RIC1: variants seen among roughly 807,000 people sequenced by gnomAD.
The protein encoded by RIC1 is guanine nucleotide exchange factor subunit RIC1.
A neutral mutation model predicts 169.0 loss-of-function variants in RIC1; 88 were observed. That is an observed-to-expected ratio of 0.52 (90% CI 0.44 to 0.62). The LOEUF (loss-of-function observed/expected upper bound fraction) is 0.62, where lower values mean the gene tolerates loss of function less well. Among genes scored for constraint, RIC1 ranks in the 20% least tolerant of loss-of-function variants. The probability of loss-of-function intolerance (pLI) is 0.00; values close to 1 mark genes in which losing one functional copy is unlikely to be tolerated. For synonymous variants in RIC1, 790 were observed against 601.5 expected (o/e 1.31, Z -4.59); for missense variants, 1,877 against 1,725.5 (o/e 1.09, Z -1.56).
intron 6 of RIC1, among the ~76,000 whole-genome samples, chr9:5,725,678 T>C (rs1037313382): frequency 6.6e-6 from 1 of 152,234 alleles, no homozygotes; most frequent in Non-Finnish European, 1.5e-5. Context: ...TCTTTCGTGC[T>C]TTCTGTTGTG....
intron 1 of RIC1, among the ~76,000 whole-genome samples, chr9:5,652,461 C>T (rs867644067): frequency 8.6e-5 from 13 of 151,930 alleles, no homozygotes; most frequent in Admixed American, 2.6e-4. Flanking sequence ...TTTTTTATAG[C>T]TATTAATAAG....
rs966038509 is a variant in RIC1, at chr9:5,639,311, G to T, written c.144+9858G>T. On this transcript the variant is annotated intron_variant, in intron 1 of 25. Coordinates refer to ENST00000414202, the MANE Select transcript of RIC1 (RefSeq NM_020829.4). Reference sequence around the variant, plus strand: ...ATATGTTGTGTTTCCATTATCATTTGTTTCAATAAAGTTTTCAGTTTGCTT... The same window carrying T: ...ATATGTTGTGTTTCCATTATCATTTTTTTCAATAAAGTTTTCAGTTTGCTT... Among the ~76,000 whole-genome samples, 15 of 152,174 alleles carry T rather than the reference G, an allele frequency of 9.9e-5. 1 individual carries two copies. The highest frequency in any genetic ancestry group is 3.4e-4 in the African/African-American group (14 of 41,522).
chr9:5,698,577 G>T (rs1349255851), intron 3 of RIC1, among the ~76,000 whole-genome samples: 1 of 152,024 alleles, frequency 6.6e-6, no homozygotes, highest in East Asian at 1.9e-4. Flanking sequence ...ATTTTTCTTA[G>T]ACTTGCTATT....
intron 1 of RIC1, among the ~76,000 whole-genome samples, chr9:5,635,830 T>C (rs953525853): frequency 2.6e-5 from 4 of 152,230 alleles, no homozygotes; most frequent in East Asian, 3.8e-4. Context: ...CCTGCCAGCA[T>C]GTAACAAGTG....
intron 17 of RIC1, among the ~76,000 whole-genome samples, chr9:5,761,777 C>T (rs760670774): frequency 1.6e-4 from 24 of 152,144 alleles, no homozygotes; most frequent in Non-Finnish European, 3.1e-4. Flanking sequence ...CAGGGCTGCT[C>T]AAAGTTTAAT....
chr9:5,741,922 G>T (rs952781748), intron 8 of RIC1, among the ~76,000 whole-genome samples: 1 of 152,146 alleles, frequency 6.6e-6, no homozygotes, highest in East Asian at 1.9e-4. Flanking sequence ...TTTCCAGAGA[G>T]GATTTAAATT....
At chr9:5,638,684 C>G (rs771375502) in intron 1 of RIC1, among the ~76,000 whole-genome samples, 2 of 152,018 alleles carry the variant, frequency 1.3e-5, no homozygotes, top group Non-Finnish European at 2.9e-5. Flanking sequence ...ATTGTAATAT[C>G]TCCTTTCTTA....
chr9:5,701,505 A>C (rs922536785), intron 3 of RIC1, among the ~76,000 whole-genome samples: 1 of 151,998 alleles, frequency 6.6e-6, no homozygotes, highest in South Asian at 2.1e-4. Flanking sequence ...AGGCTGAAGC[A>C]AATTGCTTGA....
At chr9:5,749,227 A>T (rs1020893359) in intron 12 of RIC1, among the ~76,000 whole-genome samples, 3 of 152,222 alleles carry the variant, frequency 2.0e-5, no homozygotes, top group African/African-American at 7.2e-5. Context: ...ATTAAATCAC[A>T]TAATACACCA....
In RIC1 at chr9:5,775,365, T is replaced by C. The variant is rs948109824; in HGVS notation, c.*1119T>C. 6.6e-6 allele frequency: 1 copy of C among 152,176 alleles called. No individual in the cohort carries two copies. The highest frequency in any genetic ancestry group is 1.5e-5 in the Non-Finnish European group (1 of 68,022). The allele number at this position is 152,176 out of a possible 1,614,324, so 9.4% of individuals were successfully genotyped here. A position where few individuals can be genotyped will look rare whatever the true frequency, so the allele number is the denominator to read the frequency against. On this transcript the variant is annotated 3_prime_UTR_variant, in exon 26 of 26. Transcript: ENST00000414202. ...ATGACTTAAATTTGTTTTCATACAT[T>C]ATGAAAACAACTGCATACTCCTTAA...
intron 23 of RIC1, among the ~76,000 whole-genome samples, chr9:5,771,571 T>C (rs1438035391): frequency 6.7e-6 from 1 of 149,210 alleles, no homozygotes; most frequent in Non-Finnish European, 1.5e-5. Flanking sequence ...GTCATAATTC[T>C]ACTTGCATTT....
chr9:5,701,291 G>A (rs1042842539), intron 3 of RIC1, among the ~76,000 whole-genome samples: 4 of 151,990 alleles, frequency 2.6e-5, no homozygotes, highest in Non-Finnish European at 4.4e-5. Flanking sequence ...GGAGTATATC[G>A]ATTTAAATGC....
downstream of RIC1, chr9:5,776,612 T>A (rs1164945297): frequency 6.6e-6 from 1 of 152,066 alleles, no homozygotes; most frequent in East Asian, 1.9e-4. Context: ...CTTTTCATTA[T>A]ATAATTCTGC....
intron 18 of RIC1, 27 bp downstream of exon 18, chr9:5,762,687 T>C (rs1826422518): frequency 6.2e-7 from 1 of 1,608,330 alleles, no homozygotes; most frequent in Non-Finnish European, 8.5e-7. Flanking sequence ...TCATTTCTTT[T>C]CAAACATTAA....
chr9:5,652,466 A>T (rs1818858455), intron 1 of RIC1, among the ~76,000 whole-genome samples: 1 of 151,958 alleles, frequency 6.6e-6, no homozygotes, highest in Non-Finnish European at 1.5e-5. Context: ...TATAGCTATT[A>T]ATAAGTGGGA....
At chr9:5,717,775 T>G (rs1823344498) in intron 4 of RIC1, among the ~76,000 whole-genome samples, 1 of 149,906 alleles carries the variant, frequency 6.7e-6, no homozygotes, top group South Asian at 2.1e-4. Context: ...AGGCGGAGGT[T>G]TCAGTGAGCT....
At chr9:5,669,725 A>T (rs1047230394) in intron 2 of RIC1, among the ~76,000 whole-genome samples, 3 of 152,188 alleles carry the variant, frequency 2.0e-5, no homozygotes, top group Non-Finnish European at 1.5e-5. Context: ...GCAAAGAGAG[A>T]TTGGGCTCAC....
At chr9:5,689,547 AG>A (rs1282669555) in intron 2 of RIC1, among the ~76,000 whole-genome samples, 1 of 152,218 alleles carries the variant, frequency 6.6e-6, no homozygotes, top group Non-Finnish European at 1.5e-5. Flanking sequence ...AATTTTGAGT[AG>A]AGTAAGCGTT....
intron 2 of RIC1, among the ~76,000 whole-genome samples, chr9:5,668,557 G>T (rs933765159): frequency 2.6e-5 from 4 of 152,206 alleles, no homozygotes; most frequent in African/African-American, 9.6e-5. Flanking sequence ...AGGTCCCCCA[G>T]ACTCTGCTTA....
Sources: gnomAD v4.1 joint callset for allele counts (sites outside exome capture counted in the v4.1 genomes callset) on GRCh38, gnomAD v4.1.1 for gene constraint, MANE v1.5 for transcripts, NCBI Gene and HGNC (gene_info 2026-07-23, HGNC 2026-07-21) for gene names.